Variants in ASCC3 observed in about 807,000 individuals in gnomAD.
ASCC3 encodes activating signal cointegrator 1 complex subunit 3.
ASCC3 carries 158 observed loss-of-function variants against 256.3 expected under a neutral mutation model. The ratio of observed to expected loss-of-function variants is 0.62; its 90% CI spans 0.54 to 0.70. The LOEUF is 0.70. ASCC3 is among the 30% of genes least tolerant of loss of function. ASCC3 has a pLI of 0.00. For missense variants in ASCC3, 2,259 were observed against 2,626.0 expected, an observed-to-expected ratio of 0.86 and a Z score of 3.05; for synonymous variants, 948 against 883.4, an observed-to-expected ratio of 1.07 and a Z score of -1.30.
At chr6:100,629,382 AG>A (rs1453079197) in intron 26 of ASCC3, among the ~76,000 whole-genome samples, 1 of 152,190 alleles carries the variant, frequency 6.6e-6, no homozygotes, top group African/African-American at 2.4e-5. Context: ...CATAAAATGA[AG>A]GTCATATAAA....
intron 10 of ASCC3, among the ~76,000 whole-genome samples, chr6:100,749,001 A>G (rs537726169): frequency 7.2e-4 from 109 of 152,094 alleles, no homozygotes; most frequent in South Asian, 1.7e-3. Context: ...GCTAAAACAG[A>G]AGACATCTGT....
intron 8 of ASCC3, among the ~76,000 whole-genome samples, chr6:100,791,528 AC>A (rs2114304624): frequency 6.6e-6 from 1 of 152,052 alleles, no homozygotes; most frequent in Admixed American, 6.6e-5. Context: ...GTTCATTATC[AC>A]TGTTTCCGAT....
chr6:100,543,639 G>A (rs1411701503), intron 36 of ASCC3, among the ~76,000 whole-genome samples: 1 of 151,710 alleles, frequency 6.6e-6, no homozygotes, highest in East Asian at 1.9e-4. Context: ...AACTATAAAG[G>A]AGTCAATCAA....
chr6:100,689,605 CA>C (rs1300369106), intron 13 of ASCC3, among the ~76,000 whole-genome samples: 4 of 152,122 alleles, frequency 2.6e-5, no homozygotes, highest in Non-Finnish European at 5.9e-5. Context: ...TAAAAATGGT[CA>C]GTTTTCACAA....
At chr6:100,856,686 C>G (rs1370468101) in intron 3 of ASCC3, 1 of 152,256 alleles carries the variant, frequency 6.6e-6, no homozygotes, top group Non-Finnish European at 1.5e-5. Flanking sequence ...AAACCAGAGA[C>G]TGGTCATGCC....
At chr6:100,570,156 A>G (rs12206945) in intron 36 of ASCC3, among the ~76,000 whole-genome samples, 71,886 of 151,946 alleles carry the variant, frequency 0.47, 17,278 homozygotes, top group South Asian at 0.62. Flanking sequence ...TGCTAAAATC[A>G]TTTGTTGGTT....
At position 100,646,673 on chromosome 6, in the gene ASCC3, G is replaced by T. The variant is rs1282711308; in HGVS notation, c.3575C>A (p.Thr1192Lys). 1.2e-6 allele frequency: 2 copies of T among 1,613,936 alleles called. No individual in the cohort carries two copies. Among genetic ancestry groups the T allele is most frequent in the Admixed American group, 1.7e-5 (1 of 60,016 alleles). The change falls in exon 22 of 42, where the codon ACA becomes AAA. Residue 1192 changes from threonine (T) to lysine (K), a missense_variant. Physicochemically the swap from Thr to Lys is moderately conservative, Grantham distance 78. Coordinates refer to ENST00000369162, the MANE Select transcript of ASCC3 (RefSeq NM_006828.4). ...VMMEASIQPI[T>K]RTVLRVTLSI... The stretch of plus-strand genomic sequence containing the variant: ...GAGTGTCACTCGGAGGACAGTCCTT[G>T]TGATAGGCTGAATGGATGCTTCCAT...
At chr6:100,741,642 T>C (rs1780440724) in intron 10 of ASCC3, among the ~76,000 whole-genome samples, 1 of 152,204 alleles carries the variant, frequency 6.6e-6, no homozygotes, top group African/African-American at 2.4e-5. Context: ...GTCTTCAAGC[T>C]CTGAGATGAT....
intron 20 of ASCC3, among the ~76,000 whole-genome samples, chr6:100,650,074 A>G (rs930402182): frequency 4.0e-5 from 6 of 151,720 alleles, no homozygotes; most frequent in African/African-American, 1.4e-4. Context: ...ATCACACTGA[A>G]CGTATGGTAG....
At chr6:100,701,376 C>T (rs748449324) in intron 13 of ASCC3, among the ~76,000 whole-genome samples, 1 of 152,086 alleles carries the variant, frequency 6.6e-6, no homozygotes, top group African/African-American at 2.4e-5. Flanking sequence ...CTTTGCCTGC[C>T]ACCATCCATG....
At chr6:100,678,169 C>T (rs1213530709) in intron 14 of ASCC3, among the ~76,000 whole-genome samples, 1 of 151,934 alleles carries the variant, frequency 6.6e-6, no homozygotes, top group Non-Finnish European at 1.5e-5. Context: ...AAATAATAAA[C>T]CGGCATTATT....
In ASCC3 at chr6:100,642,728, G is replaced by C. The variant is rs752273909; in HGVS notation, c.3754C>G (p.Leu1252Val). The C allele has an allele frequency of 4.2e-5, 67 of 1,613,364 alleles. No homozygotes were observed. Among genetic ancestry groups the C allele is most frequent in the Admixed American group, 1.0e-4 (6 of 59,988 alleles). ...KKQVISKEAQ[L>V]LVFTIPIFEP... ...AAAATAGGGATTGTAAATACCAGTA[G>C]TTGGGCTTCTTTACTAATGACCTAA... The change falls in exon 24 of 42, where the codon CTA (leucine) becomes GTA (valine). Residue 1252 changes from leucine (L) to valine (V), a missense_variant. Transcript: ENST00000369162.
chr6:100,831,567 A>C (rs1438780140), intron 4 of ASCC3, among the ~76,000 whole-genome samples: 1 of 152,198 alleles, frequency 6.6e-6, no homozygotes, highest in East Asian at 1.9e-4. Context: ...GCCAGGGATT[A>C]GGCATGGAGC....
chr6:100,647,092 A>G lies in ASCC3; in HGVS notation c.3478+134T>C. The G allele has an allele frequency of 3.2e-6, 3 of 924,190 alleles. No homozygotes were observed. In the South Asian group the frequency reaches 4.7e-5, roughly 14 times the overall value. The allele number at this position is 924,190 out of a possible 1,614,324, so 57.2% of individuals were successfully genotyped here. A position where few individuals can be genotyped will look rare whatever the true frequency, so the allele number is the denominator to read the frequency against. On this transcript the variant is annotated intron_variant, in intron 21 of 41. Coordinates refer to ENST00000369162, the MANE Select transcript of ASCC3 (RefSeq NM_006828.4). The stretch of plus-strand genomic sequence containing the variant: ...GAGATTTTCGCTTGATTTTAGATAA[A>G]TGAAAAAGATTTATAAATACGGTAA...
intron 11 of ASCC3, among the ~76,000 whole-genome samples, chr6:100,724,621 T>C (rs756436657): frequency 6.7e-6 from 1 of 149,938 alleles, no homozygotes; most frequent in Non-Finnish European, 1.5e-5. Context: ...GAGTAAGGGG[T>C]GGAATGAAGG....
rs1434494719 is a variant in ASCC3, at chr6:100,768,780, C to T, written c.1396-1435G>A. ...ATAGTAGAACACACATTCTCTTCCA[C>T]TGCTCTTGAAACATTTAAGTTATAC... On this transcript the variant is annotated intron_variant, in intron 8 of 41. Transcript: ENST00000369162. Among the ~76,000 whole-genome samples, 6 of 152,122 alleles carry T rather than the reference C, an allele frequency of 3.9e-5. No homozygotes were observed. The East Asian group carries it at 1.2e-3, about 29-fold the overall frequency.
chr6:100,527,313 G>A (rs1042766721), intron 37 of ASCC3, among the ~76,000 whole-genome samples: 7 of 152,120 alleles, frequency 4.6e-5, no homozygotes, highest in African/African-American at 1.4e-4. Flanking sequence ...TAAAGAGAAC[G>A]TTTTCTTGGT....
intron 13 of ASCC3, among the ~76,000 whole-genome samples, chr6:100,714,286 T>A: frequency 6.6e-6 from 1 of 152,284 alleles, no homozygotes; most frequent in South Asian, 2.1e-4. Flanking sequence ...TTTAGTAGGA[T>A]TTTTTTAATT....
intron 13 of ASCC3, among the ~76,000 whole-genome samples, chr6:100,696,739 TA>T (rs1446167375): frequency 6.6e-6 from 1 of 151,990 alleles, no homozygotes; most frequent in African/African-American, 2.4e-5. Context: ...TTAATTCAAA[TA>T]AATAGTATAA....
Sources: allele counts gnomAD v4.1 joint callset (sites outside exome capture counted in the v4.1 genomes callset), GRCh38; gene constraint gnomAD v4.1.1; transcripts MANE v1.5; gene names NCBI Gene and HGNC (gene_info 2026-07-23, HGNC 2026-07-21).